SEZ6L: variants seen among roughly 807,000 people sequenced by gnomAD.
SEZ6L encodes the protein seizure related 6 homolog like, also known as seizure 6-like protein.
SEZ6L carries 37 observed loss-of-function variants against 106.2 expected under a neutral mutation model. That is an observed-to-expected ratio of 0.35 (90% confidence interval 0.27 to 0.46). The LOEUF is 0.46. Among genes scored for constraint, SEZ6L ranks in the 20% least tolerant of loss-of-function variants. The pLI, the probability that SEZ6L is intolerant of heterozygous loss-of-function variation, is 1.00. For missense variants in SEZ6L, 1,172 were observed against 1,332.8 expected, an observed-to-expected ratio of 0.88 and a Z score of 1.88; for synonymous variants, 541 against 570.4, an observed-to-expected ratio of 0.95 and a Z score of 0.73.
chr22:26,280,266 A>G (rs2080718778), intron 1 of SEZ6L, among the ~76,000 whole-genome samples: 1 of 94,984 alleles, frequency 1.1e-5, no homozygotes, highest in Non-Finnish European at 2.3e-5. Context: ...ACGTACATTT[A>G]TACACATATA....
intron 1 of SEZ6L, among the ~76,000 whole-genome samples, chr22:26,180,224 T>C (rs1939299309): frequency 1.3e-5 from 2 of 152,236 alleles, no homozygotes; most frequent in Admixed American, 1.3e-4. Context: ...TGATAGCTGC[T>C]TCTCAATTCT....
At chr22:26,320,753 C>T (rs1311205222) in intron 9 of SEZ6L, among the ~76,000 whole-genome samples, 1 of 152,174 alleles carries the variant, frequency 6.6e-6, no homozygotes, top group Non-Finnish European at 1.5e-5. Context: ...ACAGTAAAGT[C>T]TAAGTCAGTT....
At chr22:26,260,067 C>A (rs991619155) in intron 1 of SEZ6L, among the ~76,000 whole-genome samples, 6 of 152,082 alleles carry the variant, frequency 3.9e-5, no homozygotes, top group African/African-American at 1.2e-4. Context: ...AAATTATACA[C>A]AATGCAAAGG....
chr22:26,199,108 G>A (rs933421974), intron 1 of SEZ6L, among the ~76,000 whole-genome samples: 1 of 152,200 alleles, frequency 6.6e-6, no homozygotes, highest in African/African-American at 2.4e-5. Flanking sequence ...TTGAGAAGAT[G>A]AGAAAATTGA....
chr22:26,191,976 CTCCATCCATCCA>C (rs55983247), intron 1 of SEZ6L, among the ~76,000 whole-genome samples: 38,628 of 149,960 alleles, frequency 0.26, 5,165 homozygotes, highest in Middle Eastern at 0.34. Flanking sequence ...AAGCAAGTCA[CTCCATCCATCCA>C]TCCATCCATC....
intron 1 of SEZ6L, among the ~76,000 whole-genome samples, chr22:26,239,202 C>G (rs1037902577): frequency 6.6e-6 from 1 of 152,200 alleles, no homozygotes; most frequent in Non-Finnish European, 1.5e-5. Flanking sequence ...CCAGCCTGGG[C>G]GGCAATGTGA....
At position 26,365,378 on chromosome 22, in the gene SEZ6L, A is replaced by G. The variant is rs1359233174; in HGVS notation, c.2606A>G (p.Glu869Gly). The change falls in exon 13 of 17, where the codon GAG becomes GGG. Residue 869 changes from glutamate to glycine, a missense_variant. By Grantham distance (98) the Glu-to-Gly change is moderately conservative. Coordinates refer to ENST00000248933, the MANE Select transcript of SEZ6L (RefSeq NM_021115.5). Reference protein sequence around the residue: ...TSRLPHCVSEESLACDNPGLP... With the variant: ...TSRLPHCVSEGSLACDNPGLP... ...CTTCTGGCTTGCATTTCAGCGGAGGAGTCCCTGGCATGTGACAACCCAGGG... is the reference window on the plus strand; with the variant it reads ...CTTCTGGCTTGCATTTCAGCGGAGGGGTCCCTGGCATGTGACAACCCAGGG... 3.1e-6 allele frequency: 5 copies of G among 1,599,430 alleles called. No homozygotes were observed. Among genetic ancestry groups the G allele is most frequent in the Admixed American group, 3.3e-5 (2 of 59,732 alleles).
chr22:26,350,944 C>G (rs1253980850), intron 11 of SEZ6L, 108 bp from the exon 12 acceptor site: 20 of 1,206,122 alleles, frequency 1.7e-5, no homozygotes, highest in Middle Eastern at 3.0e-4. Flanking sequence ...GCGTGAGCCA[C>G]CGCACCCGGC....
At chr22:26,325,918 TCA>T (rs1374526734) in intron 9 of SEZ6L, among the ~76,000 whole-genome samples, 9 of 124,768 alleles carry the variant, frequency 7.2e-5, no homozygotes, top group Non-Finnish European at 1.3e-4. Flanking sequence ...CTTTGCACGA[TCA>T]CACACACCAC....
intron 9 of SEZ6L, among the ~76,000 whole-genome samples, chr22:26,324,600 G>C (rs2082254955): frequency 6.6e-6 from 1 of 152,170 alleles, no homozygotes; most frequent in Admixed American, 6.5e-5. Flanking sequence ...AGCCCTGGGA[G>C]AATAGATTTC....
chr22:26,276,469 G>A (rs2145849022), intron 1 of SEZ6L, among the ~76,000 whole-genome samples: 1 of 152,330 alleles, frequency 6.6e-6, no homozygotes, highest in South Asian at 2.1e-4. Context: ...GCAAACAGGT[G>A]GAGAGAAATT....
In SEZ6L at chr22:26,351,203, A is replaced by C; in HGVS notation, c.2559A>C (p.Thr853=). The stretch of plus-strand genomic sequence containing the variant: ...TTCTGACCTGCTACAGCCGTGAAAC[A>C]GGGACTCCCATCTGGACGTCTCGCC... ...SSLLTCYSRE[T]GTPIWTSRLP... Residue 853 remains threonine (T), a synonymous_variant, in exon 12 of 17, where the codon ACA becomes ACC. Coordinates refer to ENST00000248933, the MANE Select transcript of SEZ6L (RefSeq NM_021115.5). 1 of 1,614,154 alleles carries C rather than the reference A, an allele frequency of 6.2e-7. No homozygotes were observed. The highest frequency in any genetic ancestry group is 8.5e-7 in the Non-Finnish European group (1 of 1,179,998).
intron 9 of SEZ6L, among the ~76,000 whole-genome samples, chr22:26,318,389 A>T (rs1331390618): frequency 7.0e-6 from 1 of 142,228 alleles, no homozygotes; most frequent in East Asian, 2.1e-4. Flanking sequence ...TTCAATTTTT[A>T]AAAATAGCAT....
At chr22:26,228,725 C>A (rs1434756469) in intron 1 of SEZ6L, among the ~76,000 whole-genome samples, 1 of 152,174 alleles carries the variant, frequency 6.6e-6, no homozygotes, top group East Asian at 1.9e-4. Flanking sequence ...ATCACAATAA[C>A]ACCATGGGTT....
At chr22:26,289,163 C>A (rs1271187691) in intron 1 of SEZ6L, among the ~76,000 whole-genome samples, 1 of 152,180 alleles carries the variant, frequency 6.6e-6, no homozygotes, top group Non-Finnish European at 1.5e-5. Context: ...AGATGGGACA[C>A]CACCCAGATC....
chr22:26,360,091 G>GA (rs1231117380), intron 12 of SEZ6L, among the ~76,000 whole-genome samples: 1 of 152,216 alleles, frequency 6.6e-6, no homozygotes, highest in Non-Finnish European at 1.5e-5. Flanking sequence ...ACCATGCCAG[G>GA]ACACCAAACC....
intron 9 of SEZ6L, among the ~76,000 whole-genome samples, chr22:26,316,848 A>G (rs1220076914): frequency 6.6e-6 from 1 of 151,164 alleles, no homozygotes; most frequent in Non-Finnish European, 1.5e-5. Context: ...GAAAGAAAAG[A>G]AAGAGAGAGA....
At chr22:26,251,691 C>T in intron 1 of SEZ6L, among the ~76,000 whole-genome samples, 1 of 152,200 alleles carries the variant, frequency 6.6e-6, no homozygotes, top group East Asian at 1.9e-4. Context: ...TCAGTGCCCC[C>T]TGGAAAGGGG....
Position 26,340,430 on chromosome 22 carries a change from T to C in SEZ6L, c.2016-6T>C. The stretch of plus-strand genomic sequence containing the variant: ...ACATGACTCTCCCTCTTCTCTGCCC[T>C]CCAAGCCTGAATCTGAGCAACAGTG... On this transcript the variant is annotated splice_polypyrimidine_tract_variant and splice_region_variant and intron_variant, in intron 9 of 16. Transcript: ENST00000248933. The C allele has an allele frequency of 6.2e-7, 1 of 1,608,492 alleles. No individual in the cohort carries two copies. Among genetic ancestry groups the C allele is most frequent in the Non-Finnish European group, 8.5e-7 (1 of 1,177,282 alleles).
Sources: allele counts gnomAD v4.1 joint callset (sites outside exome capture counted in the v4.1 genomes callset), GRCh38; gene constraint gnomAD v4.1.1; transcripts MANE v1.5; gene names NCBI Gene and HGNC (gene_info 2026-07-23, HGNC 2026-07-21).